TCF7L2: variants seen among roughly 807,000 people sequenced by gnomAD.
The protein encoded by TCF7L2 is transcription factor 7-like 2.
In TCF7L2, 23 loss-of-function variants were observed where a neutral mutation model predicts 77.9. That is an observed-to-expected ratio of 0.30 (90% CI 0.21 to 0.42). The LOEUF (loss-of-function observed/expected upper bound fraction) is 0.42. TCF7L2 is among the 10% of genes least tolerant of loss of function. TCF7L2 has a pLI of 1.00. For missense variants in TCF7L2, 654 were observed against 793.1 expected (o/e 0.82, Z 2.11); for synonymous variants, 413 against 340.2 (o/e 1.21, Z -2.36).
intron 4 of TCF7L2, among the ~76,000 whole-genome samples, chr10:113,023,879 A>G (rs958318493): frequency 6.6e-6 from 1 of 151,674 alleles, no homozygotes; most frequent in African/African-American, 2.4e-5. Flanking sequence ...CATGTTGGCC[A>G]GGTCTCTTGA....
At chr10:112,984,052 T>G (rs2041012957) in intron 4 of TCF7L2, among the ~76,000 whole-genome samples, 1 of 152,212 alleles carries the variant, frequency 6.6e-6, no homozygotes, top group Non-Finnish European at 1.5e-5. Context: ...AGTTTAAACC[T>G]CCCTCATTTG....
intron 5 of TCF7L2, among the ~76,000 whole-genome samples, chr10:113,083,100 G>T (rs1021789760): frequency 6.6e-6 from 1 of 152,094 alleles, no homozygotes; most frequent in Non-Finnish European, 1.5e-5. Flanking sequence ...ATTTCTGCAT[G>T]CCTTGAGTGC....
intron 5 of TCF7L2, chr10:113,089,672 TTTGGG>T (rs1408212758): frequency 4.9e-6 from 6 of 1,218,132 alleles, no homozygotes; most frequent in Non-Finnish European, 6.7e-6. Flanking sequence ...TCACTGTCAT[TTTGGG>T]TGCCATGATG....
intron 5 of TCF7L2, among the ~76,000 whole-genome samples, chr10:113,101,491 T>C (rs1591693707): frequency 6.7e-6 from 1 of 150,308 alleles, no homozygotes; most frequent in East Asian, 2.0e-4. Context: ...TGCAGTGAGC[T>C]CTAATTGAGC....
chr10:113,092,174 C>T (rs531711791), intron 5 of TCF7L2, among the ~76,000 whole-genome samples: 28 of 152,270 alleles, frequency 1.8e-4, no homozygotes, highest in African/African-American at 6.5e-4. Context: ...AGATCCCTGG[C>T]GCCAGTGACT....
intron 12 of TCF7L2, 72 bp downstream of exon 14, chr10:113,160,064 C>A: frequency 1.4e-6 from 2 of 1,400,010 alleles, no homozygotes; most frequent in Non-Finnish European, 1.0e-6. Flanking sequence ...CCTTCTCTGG[C>A]CTGTTGCTTT....
chr10:113,070,010 C>T (rs11196216), intron 5 of TCF7L2, among the ~76,000 whole-genome samples: 130,401 of 151,694 alleles, frequency 0.86, 56,295 homozygotes, highest in Middle Eastern at 0.91. Context: ...GTAATCTCAG[C>T]ACTTTGGGAG....
intron 4 of TCF7L2, among the ~76,000 whole-genome samples, chr10:112,976,952 T>G (rs2039530698): frequency 6.6e-6 from 1 of 151,602 alleles, no homozygotes; most frequent in South Asian, 2.1e-4. Flanking sequence ...TAGAGGTTAG[T>G]TGGCTTTTAA....
At chr10:113,015,717 A>C (rs1166432863) in intron 4 of TCF7L2, among the ~76,000 whole-genome samples, 1 of 152,016 alleles carries the variant, frequency 6.6e-6, no homozygotes, top group Non-Finnish European at 1.5e-5. Flanking sequence ...CCTGGGCCTC[A>C]AAGATGCCAA....
chr10:113,008,979 T>A (rs2046018655), intron 4 of TCF7L2, among the ~76,000 whole-genome samples: 1 of 152,196 alleles, frequency 6.6e-6, no homozygotes, highest in Non-Finnish European at 1.5e-5. Flanking sequence ...TCTTGCTCTG[T>A]TGCCCAGGCT....
At chr10:113,093,487 G>A (rs2060611518) in intron 5 of TCF7L2, among the ~76,000 whole-genome samples, 1 of 152,122 alleles carries the variant, frequency 6.6e-6, no homozygotes, top group South Asian at 2.1e-4. Flanking sequence ...TTTTGTTTCA[G>A]GATACCTAAG....
In TCF7L2 at chr10:113,167,425, A is replaced by C. The variant is rs2074086019; in HGVS notation, c.*1453A>C. 4.4e-6 allele frequency: 1 copy of C among 225,180 alleles called. No homozygotes were observed. Among genetic ancestry groups the C allele is most frequent in the East Asian group, 6.5e-5 (1 of 15,498 alleles). The allele number at this position is 225,180 out of a possible 1,614,324, so 13.9% of individuals were successfully genotyped here. A position where few individuals can be genotyped will look rare whatever the true frequency, so the allele number is the denominator to read the frequency against. ...AAACCTGTTCATTCAGTGCCATTGT[A>C]GTTGACATGAAGCGATTGTAAAACT... is the stretch of plus-strand genomic sequence containing the variant. On this transcript the variant is annotated 3_prime_UTR_variant, in exon 14 of 14. Transcript: ENST00000627217.
At chr10:113,077,554 G>T (rs2058825750) in intron 5 of TCF7L2, among the ~76,000 whole-genome samples, 1 of 151,992 alleles carries the variant, frequency 6.6e-6, no homozygotes, top group African/African-American at 2.4e-5. Flanking sequence ...TGTTTCTATG[G>T]ATTTGCCTGT....
At chr10:113,096,786 C>G (rs2061024676) in intron 5 of TCF7L2, among the ~76,000 whole-genome samples, 1 of 152,048 alleles carries the variant, frequency 6.6e-6, no homozygotes, top group Admixed American at 6.5e-5. Context: ...AAATTAGAGG[C>G]CTGTTTGTGC....
chr10:112,975,169 CTATATT>C (rs1471563347), intron 4 of TCF7L2, among the ~76,000 whole-genome samples: 1 of 152,066 alleles, frequency 6.6e-6, no homozygotes, highest in Non-Finnish European at 1.5e-5. Flanking sequence ...TATATTATCT[CTATATT>C]TATATGTTAT....
At chr10:113,043,400 A>G (rs930059827) in intron 5 of TCF7L2, among the ~76,000 whole-genome samples, 1 of 152,222 alleles carries the variant, frequency 6.6e-6, no homozygotes, top group Non-Finnish European at 1.5e-5. Context: ...TACATTAAGA[A>G]TAGACTCCAC....
intron 3 of TCF7L2, among the ~76,000 whole-genome samples, chr10:112,952,187 G>A (rs752831461): frequency 1.3e-5 from 2 of 152,170 alleles, no homozygotes; most frequent in African/African-American, 2.4e-5. Context: ...CAGAGCCCGG[G>A]GCCCTGGAGA....
chr10:112,996,023 G>A (rs995842142), intron 4 of TCF7L2, among the ~76,000 whole-genome samples: 1 of 152,102 alleles, frequency 6.6e-6, no homozygotes, highest in Non-Finnish European at 1.5e-5. Flanking sequence ...TAAAAATTTT[G>A]TGCTCAGCAT....
intron 4 of TCF7L2, among the ~76,000 whole-genome samples, chr10:112,994,226 A>G (rs2043087860): frequency 1.3e-5 from 2 of 151,960 alleles, no homozygotes; most frequent in African/African-American, 4.8e-5. Context: ...AACCTCCCTT[A>G]CCCATTAGCA....
Sources: gnomAD v4.1 joint callset for allele counts (sites outside exome capture counted in the v4.1 genomes callset) on GRCh38, gnomAD v4.1.1 for gene constraint, MANE v1.5 for transcripts, NCBI Gene and HGNC (gene_info 2026-07-23, HGNC 2026-07-21) for gene names.